Variants in COG2 observed in about 807,000 individuals in gnomAD.
The protein encoded by COG2 is component of oligomeric golgi complex 2.
A neutral mutation model predicts 90.6 loss-of-function variants in COG2; 52 were observed. The observed-to-expected ratio is 0.57, with a 90% CI of 0.46 to 0.72. The LOEUF is 0.72. Ranked by LOEUF, COG2 falls within the 30% of genes least tolerant of loss-of-function variation. COG2 has a pLI of 0.00. For missense variants in COG2, 829 were observed against 891.2 expected (o/e 0.93, Z 0.89); for synonymous variants, 337 against 320.4 (o/e 1.05, Z -0.55).
intron 9 of COG2, chr1:230,678,707 C>T (rs572024937): frequency 2.0e-4 from 296 of 1,470,978 alleles, no homozygotes; most frequent in African/African-American, 8.4e-4. Flanking sequence ...ATGGAAGACA[C>T]GGAAGACATA....
intron 12 of COG2, among the ~76,000 whole-genome samples, chr1:230,686,271 G>T (rs1401435023): frequency 6.6e-6 from 1 of 152,178 alleles, no homozygotes; most frequent in Middle Eastern, 3.2e-3. Flanking sequence ...GGTCTTAGTG[G>T]ACCACCCTGG....
At chr1:230,677,630 G>A (rs527525057) in intron 9 of COG2, among the ~76,000 whole-genome samples, 8 of 152,316 alleles carry the variant, frequency 5.3e-5, no homozygotes, top group African/African-American at 1.9e-4. Context: ...ACTAGCAAAT[G>A]TGAAGACGCT....
At chr1:230,647,069 C>T (rs969845589) in intron 1 of COG2, among the ~76,000 whole-genome samples, 6 of 152,088 alleles carry the variant, frequency 3.9e-5, no homozygotes, top group South Asian at 4.2e-4. Context: ...AAACGCATCT[C>T]GGTGCTTGTA....
At chr1:230,683,532 C>A in intron 10 of COG2, 42 bp from the exon 11 acceptor site, 1 of 1,442,658 alleles carries the variant, frequency 6.9e-7, no homozygotes, top group Non-Finnish European at 9.7e-7. Context: ...AGGCATCTGT[C>A]AGAGTCATAA....
At position 230,669,730 on chromosome 1, in the gene COG2, G is replaced by C. The variant is rs577628183; in HGVS notation, c.774+195G>C. On this transcript the variant is annotated intron_variant, in intron 7 of 17. Coordinates refer to ENST00000366669, the MANE Select transcript of COG2 (RefSeq NM_007357.3). ...GTAATGTTACGATGCCAGGAATTGGGCGTGCCGTCTCAGGTGTCCTAGGAA... is the reference window on the plus strand; with the variant it reads ...GTAATGTTACGATGCCAGGAATTGGCCGTGCCGTCTCAGGTGTCCTAGGAA... The C allele has an allele frequency of 8.8e-4, 413 of 471,476 alleles. 5 individuals carry two copies. Among genetic ancestry groups the C allele is most frequent in the Non-Finnish European group, 2.9e-4 (80 of 273,978 alleles). The allele number at this position is 471,476 out of a possible 1,614,324, so 29.2% of individuals were successfully genotyped here.
intron 5 of COG2, among the ~76,000 whole-genome samples, chr1:230,667,759 G>A (rs1291290016): frequency 6.6e-6 from 1 of 152,296 alleles, no homozygotes; most frequent in African/African-American, 2.4e-5. Context: ...GATGGTCTCA[G>A]TGCAGCATTT....
chr1:230,681,047 C>G (rs893481919), intron 10 of COG2: 2 of 152,260 alleles, frequency 1.3e-5, no homozygotes, highest in Non-Finnish European at 2.9e-5. Flanking sequence ...CCTCCCCACC[C>G]CAGCCACCAC....
At chr1:230,668,454 G>A (rs903938456) in intron 5 of COG2, among the ~76,000 whole-genome samples, 2 of 134,976 alleles carry the variant, frequency 1.5e-5, no homozygotes, top group Non-Finnish European at 1.5e-5. Flanking sequence ...CAGATTCCCC[G>A]GTGCACTTAG....
At chr1:230,690,213 C>T (rs1268156450) in intron 16 of COG2, 60 bp downstream of exon 16, 7 of 1,495,994 alleles carry the variant, frequency 4.7e-6, no homozygotes, top group South Asian at 3.7e-5. Flanking sequence ...GGCAGAAACC[C>T]CCAAGGCAAT....
intron 1 of COG2, among the ~76,000 whole-genome samples, chr1:230,649,277 C>G (rs1185798321): frequency 6.6e-6 from 1 of 152,154 alleles, no homozygotes; most frequent in Non-Finnish European, 1.5e-5. Flanking sequence ...GACACGAGTT[C>G]CAGACTAACT....
chr1:230,682,952 T>TGCC (rs1301797359), intron 10 of COG2: 1 of 152,306 alleles, frequency 6.6e-6, no homozygotes, highest in African/African-American at 2.4e-5. Flanking sequence ...TGAGCTGAGG[T>TGCC]GCCAGGTGAG....
intron 3 of COG2, 23 bp from the exon 4 acceptor site, chr1:230,663,118 C>CTTT: frequency 2.5e-6 from 3 of 1,204,792 alleles, no homozygotes; most frequent in South Asian, 3.1e-5. Context: ...CTCTGCAGTA[C>CTTT]TTTTTTTTTT....
At chr1:230,677,470 A>G (rs1365815607) in intron 9 of COG2, among the ~76,000 whole-genome samples, 1 of 152,212 alleles carries the variant, frequency 6.6e-6, no homozygotes, top group Admixed American at 6.5e-5. Context: ...TGATTGTCCC[A>G]TGTTACAGTG....
intron 8 of COG2, among the ~76,000 whole-genome samples, chr1:230,674,212 A>G (rs1009818023): frequency 6.6e-6 from 1 of 152,222 alleles, no homozygotes; most frequent in Non-Finnish European, 1.5e-5. Context: ...TACTTTACAA[A>G]TATTAATTCT....
At chr1:230,669,221 T>A (rs1467150397) in intron 6 of COG2, 135 bp from the exon 7 acceptor site, 2 of 742,886 alleles carry the variant, frequency 2.7e-6, no homozygotes, top group East Asian at 2.6e-5. Context: ...ATTGTTATTC[T>A]CCAGGAAAAG....
intron 7 of COG2, 29 bp from the exon 8 acceptor site, chr1:230,671,487 T>G: frequency 6.3e-7 from 1 of 1,589,500 alleles, no homozygotes; most frequent in Non-Finnish European, 8.6e-7. Flanking sequence ...TTTAAATGCT[T>G]TTTTAAAAAA....
intron 10 of COG2, 46 bp downstream of exon 10, chr1:230,679,098 G>C: frequency 1.3e-6 from 2 of 1,551,108 alleles, no homozygotes; most frequent in South Asian, 2.4e-5. Flanking sequence ...TTCTAAAACA[G>C]AATTGGAATG....
At chr1:230,676,137 A>G (rs939140441) in intron 9 of COG2, among the ~76,000 whole-genome samples, 3 of 152,128 alleles carry the variant, frequency 2.0e-5, no homozygotes, top group African/African-American at 7.2e-5. Context: ...GCAGTGAGAT[A>G]ATCTTTGTCT....
intron 12 of COG2, 59 bp downstream of exon 12, chr1:230,685,295 T>G: frequency 6.3e-7 from 1 of 1,574,902 alleles, no homozygotes; most frequent in Non-Finnish European, 8.7e-7. Flanking sequence ...AAAGATATGT[T>G]AGGCTAACTC....
Sources: gnomAD v4.1 joint callset for allele counts (sites outside exome capture counted in the v4.1 genomes callset) on GRCh38, gnomAD v4.1.1 for gene constraint, MANE v1.5 for transcripts, NCBI Gene and HGNC (gene_info 2026-07-23, HGNC 2026-07-21) for gene names.